The following CDKL3 variants were observed in gnomAD, a reference collection of about 807,000 sequenced individuals.
CDKL3 encodes the protein cyclin-dependent kinase-like 3.
In CDKL3, 65 loss-of-function variants were observed where a neutral mutation model predicts 69.3. That is an observed-to-expected ratio of 0.94 (90% confidence interval 0.77 to 1.15). CDKL3 has a LOEUF of 1.15. Among genes scored for constraint, CDKL3 ranks in the 50% most tolerant of loss-of-function variants. The pLI is 0.00. For synonymous variants in CDKL3, 202 were observed against 221.6 expected (o/e 0.91, Z 0.79); for missense variants, 652 against 689.2 (o/e 0.95, Z 0.61).
intron 4 of CDKL3, among the ~76,000 whole-genome samples, chr5:134,324,064 T>C (rs1773491259): frequency 6.6e-6 from 1 of 151,708 alleles, no homozygotes; most frequent in Admixed American, 6.6e-5. Context: ...CCAAAGAAAA[T>C]ATACAGATGG....
chr5:134,355,974 C>G lies in CDKL3; in HGVS notation c.360+3923G>C, dbSNP rs571952782. On this transcript the variant is annotated intron_variant, in intron 3 of 12. Coordinates refer to ENST00000265334, the MANE Select transcript of CDKL3 (RefSeq NM_001113575.2). ...TTATGGAAGACAGTTTTTCTATGGA[C>G]CAGGCTGGGGGATGGTTTCAGGATG... 3.9e-5 allele frequency among the ~76,000 whole-genome samples: 6 copies of G among 152,266 alleles called. No homozygotes were observed. In the East Asian group the frequency reaches 1.2e-3, roughly 29 times the overall value.
At chr5:134,362,433 C>T (rs1369319281) in intron 2 of CDKL3, among the ~76,000 whole-genome samples, 3 of 151,662 alleles carry the variant, frequency 2.0e-5, no homozygotes, top group Admixed American at 2.0e-4. Context: ...GCAGGAGAAT[C>T]GCTTGAACCC....
chr5:134,359,243 A>G (rs1033596821), intron 3 of CDKL3, among the ~76,000 whole-genome samples: 1 of 152,080 alleles, frequency 6.6e-6, no homozygotes, highest in Non-Finnish European at 1.5e-5. Context: ...GGTTGCAGTG[A>G]GCCAAGATCA....
At chr5:134,299,468 G>A (rs1765785948) in intron 12 of CDKL3, 8 of 1,195,590 alleles carry the variant, frequency 6.7e-6, no homozygotes, top group Non-Finnish European at 8.6e-6. Flanking sequence ...GGATGTACCA[G>A]TCAGGTAGTT....
At chr5:134,364,498 G>C (rs1284045664) in intron 2 of CDKL3, among the ~76,000 whole-genome samples, 2 of 151,820 alleles carry the variant, frequency 1.3e-5, no homozygotes, top group Non-Finnish European at 2.9e-5. Context: ...TCTTTCTATA[G>C]TCTTCTACAC....
chr5:134,360,878 A>G (rs1755838626), intron 2 of CDKL3, among the ~76,000 whole-genome samples: 2 of 152,228 alleles, frequency 1.3e-5, no homozygotes, highest in African/African-American at 4.8e-5. Flanking sequence ...AGGGAGCATC[A>G]TAAATTCATT....
At chr5:134,328,040 G>A (rs1327467643) in intron 4 of CDKL3, among the ~76,000 whole-genome samples, 1 of 152,100 alleles carries the variant, frequency 6.6e-6, no homozygotes, top group Non-Finnish European at 1.5e-5. Flanking sequence ...CCCAGAAGGA[G>A]GGGTCCCATA....
chr5:134,335,297 T>C (rs2149537002), intron 4 of CDKL3, among the ~76,000 whole-genome samples: 1 of 152,318 alleles, frequency 6.6e-6, no homozygotes, highest in East Asian at 1.9e-4. Context: ...CTGTGTCTTT[T>C]AATTGGGGCA....
At chr5:134,352,537 G>A (rs987519345) in intron 3 of CDKL3, among the ~76,000 whole-genome samples, 1 of 152,104 alleles carries the variant, frequency 6.6e-6, no homozygotes, top group Non-Finnish European at 1.5e-5. Context: ...CTGACCTCAA[G>A]TGATTCACCT....
downstream of CDKL3, among the ~76,000 whole-genome samples, chr5:134,286,080 C>T (rs919281248): frequency 3.9e-5 from 6 of 152,180 alleles, no homozygotes; most frequent in African/African-American, 7.2e-5. Context: ...CAAGATCATG[C>T]CACTGCACTC....
chr5:134,306,641 T>C lies in CDKL3; in HGVS notation c.1426A>G (p.Asn476Asp), dbSNP rs1441442161. The C allele has an allele frequency of 2.5e-6, 4 of 1,591,554 alleles. No homozygotes were observed. In the South Asian group the frequency reaches 3.4e-5, roughly 14 times the overall value. ...SSQSIGQVMP[N>D]SRQEDPGPIQ... ...GGACCTGGATCCTCTTGCCTGCTAT[T>C]AGGCATAACTTGTCCAATAGATTGT... The change falls in exon 10 of 13, where the codon AAT becomes GAT. Residue 476 changes from asparagine (N) to aspartate (D), a missense_variant. Asn to Asp is a conservative substitution (Grantham distance 23). Coordinates refer to ENST00000265334, the MANE Select transcript of CDKL3 (RefSeq NM_001113575.2).
chr5:134,363,515 C>T (rs1039615672), intron 2 of CDKL3, among the ~76,000 whole-genome samples: 2 of 142,342 alleles, frequency 1.4e-5, no homozygotes, highest in Admixed American at 7.5e-5. Context: ...GACTGGAGTG[C>T]AGTGGCGCAA....
chr5:134,326,817 G>GTATATA (rs1164800558), intron 4 of CDKL3, among the ~76,000 whole-genome samples: 7 of 120,484 alleles, frequency 5.8e-5, no homozygotes, highest in African/African-American at 2.5e-4. Context: ...ATATGTGTGT[G>GTATATA]TATATATATA....
chr5:134,370,007 T>A (rs533217724), upstream of CDKL3, among the ~76,000 whole-genome samples: 7 of 152,212 alleles, frequency 4.6e-5, no homozygotes, highest in Non-Finnish European at 7.3e-5. Context: ...ATTGCGAATG[T>A]CTAACAGGAC....
At chr5:134,318,219 C>CA (rs1241147051) in intron 6 of CDKL3, among the ~76,000 whole-genome samples, 1,932 of 118,628 alleles carry the variant, frequency 0.016, 40 homozygotes, top group African/African-American at 0.056. Context: ...AACTCCGTCT[C>CA]AAAAAAAAAA....
intron 4 of CDKL3, among the ~76,000 whole-genome samples, chr5:134,327,726 A>G (rs960415895): frequency 3.2e-4 from 49 of 152,314 alleles, no homozygotes; most frequent in African/African-American, 1.1e-3. Flanking sequence ...AGGAGCCACA[A>G]TTTGATTGGA....
At chr5:134,290,243 AC>A (rs1765065759) in intron 8 of CDKL3, among the ~76,000 whole-genome samples, 1 of 151,058 alleles carries the variant, frequency 6.6e-6, no homozygotes, top group Non-Finnish European at 1.5e-5. Context: ...AATCCCAGGT[AC>A]TCGGGAGACT....
At chr5:134,312,836 G>C (rs779705698) in intron 6 of CDKL3, among the ~76,000 whole-genome samples, 2 of 152,126 alleles carry the variant, frequency 1.3e-5, no homozygotes, top group Admixed American at 6.5e-5. Context: ...AAATATTCAA[G>C]TCCCTAAATC....
chr5:134,296,874 C>G (rs1201160396), downstream of CDKL3, among the ~76,000 whole-genome samples: 2 of 151,552 alleles, frequency 1.3e-5, no homozygotes, highest in East Asian at 3.9e-4. Context: ...GGTTGTAAAT[C>G]AGGATTAGGA....
Sources: allele counts gnomAD v4.1 joint callset (sites outside exome capture counted in the v4.1 genomes callset), GRCh38; gene constraint gnomAD v4.1.1; transcripts MANE v1.5; gene names NCBI Gene and HGNC (gene_info 2026-07-23, HGNC 2026-07-21).